The following MEPE variants were observed in gnomAD, a reference collection of about 807,000 sequenced individuals.
MEPE encodes matrix extracellular phosphoglycoprotein.
Under a neutral mutation model 7.3 loss-of-function variants are expected in MEPE, and 7 were observed. That is an observed-to-expected ratio of 0.95 (90% CI 0.54 to 1.79). MEPE has a LOEUF of 1.79. Among genes scored for constraint, MEPE ranks in the 40% most tolerant of loss-of-function variants. MEPE has a pLI of 0.00. For synonymous variants in MEPE, 214 were observed against 213.1 expected, an observed-to-expected ratio of 1.00 and a Z score of -0.04; for missense variants, 623 against 628.2, an observed-to-expected ratio of 0.99 and a Z score of 0.09.
upstream of MEPE, chr4:87,832,941 A>C (rs1722635595): frequency 6.6e-6 from 1 of 152,184 alleles, no homozygotes; most frequent in Non-Finnish European, 1.5e-5. Flanking sequence ...ACAAACTTTA[A>C]ATTTCAGCAA....
rs770514392 is a variant in MEPE, at chr4:87,839,800, C to A, written c.108+1115C>A. Reference sequence around the variant, plus strand: ...AAGGTAAGCTGAATCTCTGAATGACCATTCTCAGCATGACTAAACTCTGGA... The same window carrying A: ...AAGGTAAGCTGAATCTCTGAATGACAATTCTCAGCATGACTAAACTCTGGA... On this transcript the variant is annotated intron_variant, in intron 3 of 3. Coordinates refer to ENST00000361056, the MANE Select transcript of MEPE (RefSeq NM_020203.6). The A allele has an allele frequency of 1.3e-4, 200 of 1,543,664 alleles. No homozygotes were observed. The Middle Eastern group carries it at 1.5e-3, about 12-fold the overall frequency.
At chr4:87,829,451 A>G (rs1472358056), upstream of MEPE, among the ~76,000 whole-genome samples, 1 of 152,130 alleles carries the variant, frequency 6.6e-6, no homozygotes, top group Non-Finnish European at 1.5e-5. Flanking sequence ...AATGAAAGGG[A>G]AATCTTTTTC....
chr4:87,822,120 C>T (rs890391148), intron 1 of MEPE, among the ~76,000 whole-genome samples: 2 of 152,184 alleles, frequency 1.3e-5, no homozygotes, highest in Admixed American at 6.5e-5. Context: ...CCCGCCAAGT[C>T]TTACCTCCCA....
At chr4:87,838,927 A>G (rs1722902683) in intron 3 of MEPE, among the ~76,000 whole-genome samples, 1 of 152,262 alleles carries the variant, frequency 6.6e-6, no homozygotes, top group Non-Finnish European at 1.5e-5. Flanking sequence ...TCTTCCTTCA[A>G]ATGAAACAAT....
chr4:87,830,682 A>T (rs986335815), upstream of MEPE, among the ~76,000 whole-genome samples: 2 of 152,080 alleles, frequency 1.3e-5, no homozygotes, highest in African/African-American at 4.8e-5. Flanking sequence ...CCCCAGGGAC[A>T]TGTGTTTATC....
chr4:87,839,778 G>A lies in MEPE; in HGVS notation c.108+1093G>A, dbSNP rs1002844677. 5.2e-6 allele frequency: 8 copies of A among 1,548,714 alleles called. No individual in the cohort carries two copies. In the African/African-American group the frequency reaches 1.1e-4, roughly 21 times the overall value. Reference sequence around the variant, plus strand: ...GAAGAAAAATCAAACTGATGTAAAGGTAAGCTGAATCTCTGAATGACCATT... The same window carrying A: ...GAAGAAAAATCAAACTGATGTAAAGATAAGCTGAATCTCTGAATGACCATT... On this transcript the variant is annotated intron_variant, in intron 3 of 3. Transcript: ENST00000361056.
intron 3 of MEPE, chr4:87,839,648 A>T: frequency 6.8e-7 from 1 of 1,461,548 alleles, no homozygotes; most frequent in Non-Finnish European, 9.3e-7. Context: ...TTTGTAAGAG[A>T]TAAAACGTGC....
upstream of MEPE, among the ~76,000 whole-genome samples, chr4:87,828,827 G>A (rs79046030): frequency 3.3e-5 from 5 of 152,282 alleles, no homozygotes; most frequent in East Asian, 9.7e-4. Flanking sequence ...TGGTGGAGGT[G>A]TCCATTTTTG....
At chr4:87,828,461 TGATAGCAGGG>T (rs1722525140), upstream of MEPE, among the ~76,000 whole-genome samples, 1 of 151,922 alleles carries the variant, frequency 6.6e-6, no homozygotes, top group Non-Finnish European at 1.5e-5. Context: ...TTGGGGACCA[TGATAGCAGGG>T]GAAAAAGGAC....
intron 3 of MEPE, chr4:87,840,001 A>G: frequency 6.5e-7 from 1 of 1,535,296 alleles, no homozygotes; most frequent in Non-Finnish European, 8.7e-7. Context: ...CTCGGCCCAC[A>G]TCTCGCTCTG....
Position 87,845,144 on chromosome 4 carries a change from T to C in MEPE, c.276T>C (p.Asn92=), listed in dbSNP as rs1480769587. Residue 92 remains asparagine (N), a synonymous_variant, in exon 4 of 4, where the codon AAT becomes AAC. Transcript: ENST00000361056. ...GTAAATCTCAAAATTATTTCACAAATAGACAGAGACTGAATAAAGAATATA... is the reference window on the plus strand; with the variant it reads ...GTAAATCTCAAAATTATTTCACAAACAGACAGAGACTGAATAAAGAATATA... The part of the protein sequence containing the change: ...GSSKSQNYFT[N]RQRLNKEYSI... 1 of 1,613,660 alleles carries C rather than the reference T, an allele frequency of 6.2e-7. No individual in the cohort carries two copies. The highest frequency in any genetic ancestry group is 8.5e-7 in the Non-Finnish European group (1 of 1,179,836).
At chr4:87,839,549 T>C in intron 3 of MEPE, 2 of 637,348 alleles carry the variant, frequency 3.1e-6, no homozygotes, top group South Asian at 2.0e-5. Flanking sequence ...CCTGTGGTTA[T>C]AAGAAGTACT....
chr4:87,831,057 A>AATAACTCTT (rs1308724080), upstream of MEPE, among the ~76,000 whole-genome samples: 3 of 152,140 alleles, frequency 2.0e-5, no homozygotes, highest in East Asian at 5.8e-4. Flanking sequence ...GTATAGGTTA[A>AATAACTCTT]ATAACTCTTA....
chr4:87,837,369 C>T (rs1722837805), intron 2 of MEPE, among the ~76,000 whole-genome samples: 1 of 152,134 alleles, frequency 6.6e-6, no homozygotes, highest in Admixed American at 6.5e-5. Flanking sequence ...CAGACTCATG[C>T]CAGGCCTCCT....
At chr4:87,833,444 C>G (rs1265330224) in intron 1 of MEPE, among the ~76,000 whole-genome samples, 1 of 152,082 alleles carries the variant, frequency 6.6e-6, no homozygotes, top group Non-Finnish European at 1.5e-5. Context: ...GAAGGGTAAA[C>G]TATAGTTAGA....
upstream of MEPE, among the ~76,000 whole-genome samples, chr4:87,830,366 G>T (rs1170143026): frequency 4.6e-5 from 7 of 152,012 alleles, no homozygotes; most frequent in Non-Finnish European, 1.5e-5. Context: ...AAGAAAATGT[G>T]GTATGTATAC....
intron 3 of MEPE, among the ~76,000 whole-genome samples, chr4:87,842,279 C>A (rs1402005206): frequency 6.6e-6 from 1 of 152,098 alleles, no homozygotes; most frequent in African/African-American, 2.4e-5. Flanking sequence ...TTTCTATTTT[C>A]TTTGCTACCT....
At position 87,825,320 on chromosome 4, in the gene MEPE, C is replaced by A. The variant is rs1344078542; in HGVS notation, c.-13+3849C>A. 2.6e-5 allele frequency among the ~76,000 whole-genome samples: 4 copies of A among 152,142 alleles called. 1 individual carries two copies. Among genetic ancestry groups the A allele is most frequent in the Non-Finnish European group, 5.9e-5 (4 of 68,026 alleles). ...TAAAATCAACAGCACAACCATTACT[C>A]CTGCTACATAAAATGGGCCATGATC... On this transcript the variant is annotated intron_variant, in intron 1 of 3. Coordinates refer to the MEPE transcript ENST00000424957.
chr4:87,831,586 C>T (rs981920505), upstream of MEPE, among the ~76,000 whole-genome samples: 5 of 152,168 alleles, frequency 3.3e-5, no homozygotes, highest in African/African-American at 1.2e-4. Context: ...AGCTTCCTAG[C>T]CATTCTCTCT....
Sources: allele counts gnomAD v4.1 joint callset (sites outside exome capture counted in the v4.1 genomes callset), GRCh38; gene constraint gnomAD v4.1.1; transcripts MANE v1.5; gene names NCBI Gene and HGNC (gene_info 2026-07-23, HGNC 2026-07-21).